The following FAM124A variants were observed in gnomAD, a reference collection of about 807,000 sequenced individuals.
The protein encoded by FAM124A is family with sequence similarity 124 member A.
In FAM124A, 23 loss-of-function variants were observed where a neutral mutation model predicts 24.5. The observed-to-expected ratio is 0.94, with a 90% CI of 0.68 to 1.33. FAM124A has a LOEUF of 1.33. Ranked by LOEUF, FAM124A falls within the 40% of genes most tolerant of loss-of-function variation. FAM124A has a pLI of 0.00. For missense variants in FAM124A, 623 were observed against 722.8 expected (o/e 0.86, Z 1.58); for synonymous variants, 287 against 314.7 (o/e 0.91, Z 0.93).
At chr13:51,250,251 G>T (rs1033365999) in intron 2 of FAM124A, among the ~76,000 whole-genome samples, 1 of 152,172 alleles carries the variant, frequency 6.6e-6, no homozygotes, top group Non-Finnish European at 1.5e-5. Context: ...CACATTGATA[G>T]AACACAATTG....
At chr13:51,235,048 C>T (rs547473762) in intron 2 of FAM124A, among the ~76,000 whole-genome samples, 5 of 151,794 alleles carry the variant, frequency 3.3e-5, no homozygotes, top group South Asian at 2.1e-4. Flanking sequence ...GGGATGTGAC[C>T]GGGGGGCTTC....
chr13:51,273,789 A>G (rs1954861417), intron 3 of FAM124A, among the ~76,000 whole-genome samples: 1 of 152,192 alleles, frequency 6.6e-6, no homozygotes, highest in Admixed American at 6.5e-5. Flanking sequence ...TGTTTCTGTC[A>G]GCTCCTCCTG....
chr13:51,255,133 A>C (rs890370558), intron 3 of FAM124A, among the ~76,000 whole-genome samples: 5 of 152,152 alleles, frequency 3.3e-5, no homozygotes, highest in African/African-American at 1.2e-4. Context: ...TTATAAGTGG[A>C]TCTCACATTT....
chr13:51,257,012 C>G (rs1186481658), intron 3 of FAM124A, among the ~76,000 whole-genome samples: 1 of 152,228 alleles, frequency 6.6e-6, no homozygotes, highest in Admixed American at 6.5e-5. Flanking sequence ...TAGAATGTGT[C>G]AGAACGTCCT....
At chr13:51,278,343 G>T (rs1237575460) in intron 3 of FAM124A, among the ~76,000 whole-genome samples, 2 of 152,166 alleles carry the variant, frequency 1.3e-5, no homozygotes, top group African/African-American at 4.8e-5. Context: ...CACAAGGGAG[G>T]CCAGAGATGG....
At chr13:51,264,542 TGCGC>T (rs1954766469) in intron 3 of FAM124A, among the ~76,000 whole-genome samples, 1 of 152,108 alleles carries the variant, frequency 6.6e-6, no homozygotes, top group Non-Finnish European at 1.5e-5. Flanking sequence ...GAAGATCACT[TGCGC>T]CCAGGAGTTC....
chr13:51,246,282 G>A (rs942475672), intron 2 of FAM124A, among the ~76,000 whole-genome samples: 5 of 151,762 alleles, frequency 3.3e-5, no homozygotes, highest in African/African-American at 1.2e-4. Context: ...CAGTCATGTC[G>A]TCTGTGTTTC....
chr13:51,225,535 G>C (rs1954307220), intron 1 of FAM124A, among the ~76,000 whole-genome samples: 1 of 152,202 alleles, frequency 6.6e-6, no homozygotes, highest in Admixed American at 6.5e-5. Flanking sequence ...AAAGGAGCCT[G>C]AGAAAGAGTA....
intron 2 of FAM124A, among the ~76,000 whole-genome samples, chr13:51,235,368 G>GA (rs1479473071): frequency 6.6e-6 from 1 of 150,450 alleles, no homozygotes. Flanking sequence ...CAGGAGAAAA[G>GA]AAAAACAATA....
intron 1 of FAM124A, among the ~76,000 whole-genome samples, chr13:51,229,326 G>GTGAT (rs1954349595): frequency 1.3e-5 from 2 of 152,246 alleles, no homozygotes; most frequent in Non-Finnish European, 1.5e-5. Context: ...CAGGATCAGC[G>GTGAT]TGATTGTCAG....
At position 51,252,020 on chromosome 13, in the gene FAM124A, T is replaced by C. The variant is rs202058194; in HGVS notation, c.653T>C (p.Ile218Thr). The change falls in exon 3 of 4, where the codon ATC (isoleucine) becomes ACC (threonine). Residue 218 changes from isoleucine to threonine, a missense_variant. Transcript: ENST00000322475. The stretch of plus-strand genomic sequence containing the variant: ...ATTTTTTCCAACCTGGATGTGGACA[T>C]CCAGTTCTCCCTGAAAAGACTGCCC... ...FPIFSNLDVDIQFSLKRLPCD... is the reference protein window; with the variant it reads ...FPIFSNLDVDTQFSLKRLPCD... 547 of 1,614,096 alleles carry C rather than the reference T, an allele frequency of 3.4e-4. No homozygotes were observed. The highest frequency in any genetic ancestry group is 4.4e-4 in the Non-Finnish European group (517 of 1,180,054).
intron 3 of FAM124A, among the ~76,000 whole-genome samples, chr13:51,273,749 A>G (rs776379978): frequency 8.5e-5 from 13 of 152,236 alleles, no homozygotes; most frequent in Non-Finnish European, 1.6e-4. Context: ...TAAAGTAAGA[A>G]TGAGATTTTT....
intron 2 of FAM124A, among the ~76,000 whole-genome samples, chr13:51,249,307 T>A (rs1954596434): frequency 6.6e-6 from 1 of 152,128 alleles, no homozygotes; most frequent in Admixed American, 6.5e-5. Flanking sequence ...CATATTTAAC[T>A]CATACAAATT....
In FAM124A at chr13:51,224,234, C is replaced by T. The variant is rs1443782099; in HGVS notation, c.68+1665C>T. On this transcript the variant is annotated intron_variant, in intron 1 of 3. Coordinates refer to ENST00000322475, the MANE Select transcript of FAM124A (RefSeq NM_001242312.2). The stretch of plus-strand genomic sequence containing the variant: ...CTATAATCCCAGCACTTTGGGTGGC[C>T]GAGGTGGGCGGATCACCTGAGGTCG... Among the ~76,000 whole-genome samples the T allele has an allele frequency of 4.6e-5, 7 of 152,300 alleles. No individual in the cohort carries two copies. The South Asian group carries it at 1.2e-3, about 27-fold the overall frequency.
rs1412751965 is a variant in FAM124A, at chr13:51,281,559, AT to A, written c.*306del. 4.3e-6 allele frequency: 1 copy of A among 230,108 alleles called. No homozygotes were observed. Among genetic ancestry groups the A allele is most frequent in the East Asian group, 9.1e-5 (1 of 11,014 alleles). The allele number at this position is 230,108 out of a possible 1,614,324, so 14.3% of individuals were successfully genotyped here. A position where few individuals can be genotyped will look rare whatever the true frequency, so the allele number is the denominator to read the frequency against. ...TACAATTTAAATGGCTTATATAATT[AT>A]TTGAAATGAAAAGAAAACCTAGTCA... On this transcript the variant is annotated 3_prime_UTR_variant, in exon 4 of 4. Coordinates refer to ENST00000322475, the MANE Select transcript of FAM124A (RefSeq NM_001242312.2).
intron 2 of FAM124A, among the ~76,000 whole-genome samples, chr13:51,235,346 A>G (rs567177876): frequency 4.6e-5 from 7 of 151,838 alleles, no homozygotes; most frequent in Non-Finnish European, 8.8e-5. Context: ...AAGGAGGGAA[A>G]TTATTTATAA....
At chr13:51,255,186 A>G (rs926215675) in intron 3 of FAM124A, among the ~76,000 whole-genome samples, 2 of 152,282 alleles carry the variant, frequency 1.3e-5, no homozygotes, top group African/African-American at 4.8e-5. Flanking sequence ...ATATACCATG[A>G]AAGAAGATTA....
At position 51,252,145 on chromosome 13, in the gene FAM124A, A is replaced by G. The variant is rs778046298; in HGVS notation, c.778A>G (p.Ile260Val). Residue 260 changes from isoleucine to valine, a missense_variant, in exon 3 of 4, where the codon ATC becomes GTC. Coordinates refer to ENST00000322475, the MANE Select transcript of FAM124A (RefSeq NM_001242312.2). ...TCTCCTGCCCAACCCTTGCAGCCCC[A>G]TCAGCGAGGGGCGCTGGCAGACGGA... ...VPLLPNPCSP[I>V]SEGRWQTEDH... 41 of 1,613,854 alleles carry G rather than the reference A, an allele frequency of 2.5e-5. No homozygotes were observed. In the South Asian group the frequency reaches 2.7e-4, roughly 11 times the overall value.
intron 3 of FAM124A, among the ~76,000 whole-genome samples, chr13:51,273,244 A>G (rs1412763955): frequency 6.6e-6 from 1 of 152,108 alleles, no homozygotes; most frequent in Non-Finnish European, 1.5e-5. Flanking sequence ...TTTGGTTGTC[A>G]CAACGGGGAG....
Sources: allele counts gnomAD v4.1 joint callset (sites outside exome capture counted in the v4.1 genomes callset), GRCh38; gene constraint gnomAD v4.1.1; transcripts MANE v1.5; gene names NCBI Gene and HGNC (gene_info 2026-07-23, HGNC 2026-07-21).